SERGEF: variants seen among roughly 807,000 people sequenced by gnomAD.
The protein encoded by SERGEF is secretion regulating guanine nucleotide exchange factor, also known as secretion-regulating guanine nucleotide exchange factor.
A neutral mutation model predicts 50.0 loss-of-function variants in SERGEF; 51 were observed. That is an observed-to-expected ratio of 1.02 (90% CI 0.81 to 1.29). The LOEUF is 1.29. SERGEF is among the 50% of genes most tolerant of loss of function. The pLI, the probability that SERGEF is intolerant of heterozygous loss-of-function variation, is 0.00. For synonymous variants in SERGEF, 205 were observed against 212.4 expected, an observed-to-expected ratio of 0.97 and a Z score of 0.30; for missense variants, 521 against 557.0, an observed-to-expected ratio of 0.94 and a Z score of 0.65.
chr11:17,897,365 A>T (rs1851667659), intron 9 of SERGEF, among the ~76,000 whole-genome samples: 1 of 152,198 alleles, frequency 6.6e-6, no homozygotes, highest in South Asian at 2.1e-4. Context: ...GTGAAATCTT[A>T]AACAGAAAGC....
chr11:17,879,931 A>G (rs1851307967), intron 9 of SERGEF, among the ~76,000 whole-genome samples: 1 of 152,242 alleles, frequency 6.6e-6, no homozygotes, highest in East Asian at 1.9e-4. Context: ...TTCCTTTGGT[A>G]GTGTTTCTCA....
intron 4 of SERGEF, 134 bp downstream of exon 4, chr11:18,004,307 A>G (rs1010679321): frequency 1.7e-6 from 1 of 579,340 alleles, no homozygotes; most frequent in Non-Finnish European, 2.9e-6. Flanking sequence ...AGAAGGACCT[A>G]TTTTTCAACT....
intron 10 of SERGEF, among the ~76,000 whole-genome samples, chr11:17,831,891 C>T (rs1010409223): frequency 1.3e-5 from 2 of 152,210 alleles, no homozygotes; most frequent in Non-Finnish European, 2.9e-5. Context: ...TACCTTTCAT[C>T]TGAACTGTAA....
intron 9 of SERGEF, among the ~76,000 whole-genome samples, chr11:17,910,193 A>ACACACT (rs869123110): frequency 4.1e-5 from 6 of 145,748 alleles, no homozygotes; most frequent in African/African-American, 7.7e-5. Context: ...ACACACACAC[A>ACACACT]CTCTCTCTCT....
intron 9 of SERGEF, among the ~76,000 whole-genome samples, chr11:17,958,652 C>T (rs1012788835): frequency 6.6e-6 from 1 of 152,082 alleles, no homozygotes; most frequent in African/African-American, 2.4e-5. Flanking sequence ...TCTGATATTA[C>T]CTCATAACTG....
At chr11:17,915,003 G>A (rs773572009) in intron 9 of SERGEF, among the ~76,000 whole-genome samples, 11 of 152,238 alleles carry the variant, frequency 7.2e-5, no homozygotes. Flanking sequence ...GTTAGGAACG[G>A]CTTTCCTTAT....
intron 8 of SERGEF, among the ~76,000 whole-genome samples, chr11:17,970,210 T>C (rs927514030): frequency 6.6e-6 from 1 of 152,228 alleles, no homozygotes; most frequent in Non-Finnish European, 1.5e-5. Context: ...GCATGTGTTC[T>C]GTGTGACATT....
intron 8 of SERGEF, among the ~76,000 whole-genome samples, chr11:17,965,438 C>T (rs145624409): frequency 6.6e-6 from 1 of 152,172 alleles, no homozygotes; most frequent in African/African-American, 2.4e-5. Flanking sequence ...TTCCCTTTGT[C>T]CCCAGCTATC....
intron 9 of SERGEF, among the ~76,000 whole-genome samples, chr11:17,896,769 G>GGTAAGGGAAGGATAAGGGAAGC (rs1851644559): frequency 8.5e-6 from 1 of 117,368 alleles, no homozygotes; most frequent in African/African-American, 3.4e-5. Context: ...GGAAGGGAAG[G>GGTAAGGGAAGGATAAGGGAAGC]GTAAGGGAAG....
chr11:17,910,358 C>A (rs1281536804), intron 9 of SERGEF, among the ~76,000 whole-genome samples: 2 of 152,198 alleles, frequency 1.3e-5, no homozygotes, highest in Non-Finnish European at 2.9e-5. Flanking sequence ...AAGCAATCCT[C>A]CTGCCTCAAC....
chr11:17,889,003 T>C (rs906242028), intron 9 of SERGEF, among the ~76,000 whole-genome samples: 5 of 152,222 alleles, frequency 3.3e-5, no homozygotes, highest in African/African-American at 7.2e-5. Flanking sequence ...TTATAGCCCA[T>C]TGAATAAAAT....
chr11:17,854,565 C>G (rs1011590392), intron 10 of SERGEF, among the ~76,000 whole-genome samples: 5 of 152,102 alleles, frequency 3.3e-5, no homozygotes, highest in Admixed American at 3.3e-4. Context: ...AAATCTCTTC[C>G]GTACTTCCTA....
At chr11:17,831,514 T>A (rs1204522113) in intron 10 of SERGEF, among the ~76,000 whole-genome samples, 2 of 152,202 alleles carry the variant, frequency 1.3e-5, no homozygotes, top group Non-Finnish European at 2.9e-5. Flanking sequence ...AGTAAAATCA[T>A]GAAGCCAGAA....
chr11:17,932,253 T>C (rs1420243905), intron 9 of SERGEF, among the ~76,000 whole-genome samples: 1 of 152,242 alleles, frequency 6.6e-6, no homozygotes, highest in Non-Finnish European at 1.5e-5. Flanking sequence ...CCTAAGGCCC[T>C]AGGCCTTTTC....
At chr11:18,012,790 C>CG in intron 1 of SERGEF, 161 bp downstream of exon 1, 3 of 1,211,628 alleles carry the variant, frequency 2.5e-6, no homozygotes, top group Non-Finnish European at 3.4e-6. Flanking sequence ...CCCGCCCGCT[C>CG]CTCCTCCGCT....
At chr11:17,963,181 CAAAAAAAAAAAAA>C (rs1164488575) in intron 8 of SERGEF, among the ~76,000 whole-genome samples, 1 of 16,492 alleles carries the variant, frequency 6.1e-5, no homozygotes, top group Non-Finnish European at 1.2e-4. Context: ...GACTCTGTTT[CAAAAAAAAAAAAA>C]AAAAAAAAAA....
intron 10 of SERGEF, among the ~76,000 whole-genome samples, chr11:17,844,453 G>A (rs1025206988): frequency 5.9e-5 from 9 of 152,058 alleles, no homozygotes; most frequent in East Asian, 1.9e-4. Flanking sequence ...TCACCCTCTC[G>A]TACCTCTGAC....
chr11:17,871,255 T>G (rs2133891924), intron 10 of SERGEF, among the ~76,000 whole-genome samples: 1 of 152,154 alleles, frequency 6.6e-6, no homozygotes, highest in South Asian at 2.1e-4. Context: ...GGTCAGGAGA[T>G]AGAGACCAAC....
chr11:17,842,571 G>C (rs1437331184), intron 10 of SERGEF, among the ~76,000 whole-genome samples: 1 of 152,200 alleles, frequency 6.6e-6, no homozygotes, highest in Admixed American at 6.5e-5. Context: ...AACTCAGAGA[G>C]GATTTGCTAA....
Sources: allele counts gnomAD v4.1 joint callset (sites outside exome capture counted in the v4.1 genomes callset), GRCh38; gene constraint gnomAD v4.1.1; transcripts MANE v1.5; gene names NCBI Gene and HGNC (gene_info 2026-07-23, HGNC 2026-07-21).